The following TPH2 variants were observed in gnomAD, a reference collection of about 807,000 sequenced individuals.
TPH2 encodes tryptophan 5-hydroxylase 2.
TPH2 carries 27 observed loss-of-function variants against 59.1 expected under a neutral mutation model. The observed-to-expected ratio is 0.46, with a 90% confidence interval of 0.34 to 0.63. The LOEUF is 0.63. TPH2 is among the 30% of genes least tolerant of loss of function. TPH2 has a pLI of 0.01. For missense variants in TPH2, 523 were observed against 588.3 expected (o/e 0.89, Z 1.15); for synonymous variants, 220 against 210.5 (o/e 1.05, Z -0.39).
At chr12:71,997,884 A>G (rs1872732291) in intron 8 of TPH2, among the ~76,000 whole-genome samples, 1 of 152,138 alleles carries the variant, frequency 6.6e-6, no homozygotes, top group African/African-American at 2.4e-5. Flanking sequence ...GAAGAAATGG[A>G]TTTAGCTGAA....
chr12:71,958,742 A>G (rs1210840858), intron 5 of TPH2, among the ~76,000 whole-genome samples: 2 of 152,224 alleles, frequency 1.3e-5, no homozygotes, highest in African/African-American at 4.8e-5. Context: ...TTGAAAATCA[A>G]TTGCCAGGGA....
chr12:71,979,973 GA>G (rs1872229818), intron 7 of TPH2, among the ~76,000 whole-genome samples: 1 of 152,170 alleles, frequency 6.6e-6, no homozygotes, highest in Non-Finnish European at 1.5e-5. Flanking sequence ...CAGACAGACA[GA>G]CAGGGAATAT....
At chr12:71,960,590 C>G (rs1166303630) in intron 5 of TPH2, among the ~76,000 whole-genome samples, 1 of 152,134 alleles carries the variant, frequency 6.6e-6, no homozygotes, top group Non-Finnish European at 1.5e-5. Flanking sequence ...AAGGTTTCTC[C>G]TTTTTGCTTT....
intron 6 of TPH2, among the ~76,000 whole-genome samples, chr12:71,974,453 T>C (rs988867145): frequency 6.6e-6 from 1 of 152,154 alleles, no homozygotes; most frequent in African/African-American, 2.4e-5. Flanking sequence ...TGGACTCTTC[T>C]TTGCATCACT....
chr12:71,943,362 G>A (rs562483200), intron 2 of TPH2, among the ~76,000 whole-genome samples: 2 of 152,292 alleles, frequency 1.3e-5, no homozygotes, highest in Admixed American at 1.3e-4. Context: ...ATCATCTGGA[G>A]TGAGAAGATG....
At chr12:71,945,427 T>C (rs753243333) in intron 4 of TPH2, among the ~76,000 whole-genome samples, 1 of 147,964 alleles carries the variant, frequency 6.8e-6, no homozygotes, top group Non-Finnish European at 1.5e-5. Context: ...ATTATAGGCA[T>C]TTTTTCCCTC....
intron 8 of TPH2, among the ~76,000 whole-genome samples, chr12:72,002,474 C>T (rs767340724): frequency 3.3e-5 from 5 of 152,196 alleles, no homozygotes; most frequent in African/African-American, 4.8e-5. Context: ...ACCGTGGCTA[C>T]ATCTGAGCTC....
intron 8 of TPH2, among the ~76,000 whole-genome samples, chr12:72,019,575 T>A (rs573623302): frequency 7.9e-5 from 12 of 152,340 alleles, no homozygotes; most frequent in African/African-American, 2.9e-4. Flanking sequence ...TCTAAAATAG[T>A]CACATTCCCT....
chr12:71,969,956 T>A (rs1399171094), intron 5 of TPH2, among the ~76,000 whole-genome samples: 3 of 152,194 alleles, frequency 2.0e-5, no homozygotes, highest in African/African-American at 7.2e-5. Flanking sequence ...GGCCAATTCA[T>A]ATAAAAACAC....
intron 4 of TPH2, 56 bp from the exon 5 acceptor site, chr12:71,949,532 T>G: frequency 6.9e-7 from 1 of 1,456,148 alleles, no homozygotes; most frequent in Non-Finnish European, 9.6e-7. Flanking sequence ...CTTTTAGGTC[T>G]TCTGCAGCTA....
intron 7 of TPH2, among the ~76,000 whole-genome samples, chr12:71,986,603 T>C (rs1453956709): frequency 6.6e-6 from 1 of 150,648 alleles, no homozygotes; most frequent in Non-Finnish European, 1.5e-5. Flanking sequence ...TGACTTGGGA[T>C]AAAGCTTCAA....
At position 72,014,831 on chromosome 12, in the gene TPH2, G is replaced by A. The variant is rs147105343; in HGVS notation, c.1069-7568G>A. 8.9e-4 allele frequency among the ~76,000 whole-genome samples: 136 copies of A among 152,282 alleles called. 4 individuals carry two copies. In the East Asian group the frequency reaches 0.014, roughly 16 times the overall value. ...AATGATTGAAGAAACAACAAAAATT[G>A]ATGTCTGGTGGGAGGTTTGGATGAA... On this transcript the variant is annotated intron_variant, in intron 8 of 10. Transcript: ENST00000333850.
At chr12:71,983,884 GT>G (rs1168757322) in intron 7 of TPH2, among the ~76,000 whole-genome samples, 2 of 152,114 alleles carry the variant, frequency 1.3e-5, no homozygotes, top group African/African-American at 4.8e-5. Flanking sequence ...TCAGTGGTCT[GT>G]TTAAAAGGCA....
intron 8 of TPH2, among the ~76,000 whole-genome samples, chr12:71,997,322 A>G (rs539635987): frequency 6.6e-6 from 1 of 152,292 alleles, no homozygotes; most frequent in South Asian, 2.1e-4. Flanking sequence ...TTCCCGTCTC[A>G]CTATGTATGG....
chr12:71,983,970 G>A lies in TPH2; in HGVS notation c.941+4883G>A, dbSNP rs190676491. On this transcript the variant is annotated intron_variant, in intron 7 of 10. Coordinates refer to ENST00000333850, the MANE Select transcript of TPH2 (RefSeq NM_173353.4). ...CACTGGCGGCTAGCTTGGGCCATAT[G>A]GGTGTGGTGTTCTATTTCTAATGCC... Among the ~76,000 whole-genome samples the A allele has an allele frequency of 3.3e-5, 5 of 152,286 alleles. No homozygotes were observed. The East Asian group carries it at 9.7e-4, about 29-fold the overall frequency.
chr12:71,989,350 G>A (rs1872524014), intron 7 of TPH2, among the ~76,000 whole-genome samples: 1 of 152,170 alleles, frequency 6.6e-6, no homozygotes, highest in Non-Finnish European at 1.5e-5. Context: ...TGTCTGCAAC[G>A]CATCCCAGTG....
intron 5 of TPH2, among the ~76,000 whole-genome samples, chr12:71,958,047 T>C (rs1312768567): frequency 6.6e-6 from 1 of 152,202 alleles, no homozygotes; most frequent in Non-Finnish European, 1.5e-5. Flanking sequence ...GTAGGTGCCA[T>C]TATTGTACGC....
chr12:71,971,862 C>CAAGCCTAAAAT (rs1158397444), intron 5 of TPH2, among the ~76,000 whole-genome samples: 4 of 152,224 alleles, frequency 2.6e-5, no homozygotes, highest in African/African-American at 9.6e-5. Context: ...ATATGACCCA[C>CAAGCCTAAAAT]AAGCCTAAAA....
At chr12:71,970,844 G>A (rs1215256272) in intron 5 of TPH2, among the ~76,000 whole-genome samples, 1 of 152,188 alleles carries the variant, frequency 6.6e-6, no homozygotes, top group Non-Finnish European at 1.5e-5. Flanking sequence ...TTTGGTTTGT[G>A]GAAGACCTAG....
Sources: gnomAD v4.1 joint callset for allele counts (sites outside exome capture counted in the v4.1 genomes callset) on GRCh38, gnomAD v4.1.1 for gene constraint, MANE v1.5 for transcripts, NCBI Gene and HGNC (gene_info 2026-07-23, HGNC 2026-07-21) for gene names.